Variants in CTIF observed in about 807,000 individuals in gnomAD.
CTIF encodes CBP80/20-dependent translation initiation factor.
A neutral mutation model predicts 66.0 loss-of-function variants in CTIF; 21 were observed. The ratio of observed to expected loss-of-function variants is 0.32; its 90% confidence interval spans 0.23 to 0.46. The LOEUF is 0.46. Among genes scored for constraint, CTIF ranks in the 20% least tolerant of loss-of-function variants. CTIF has a pLI of 1.00. For missense variants in CTIF, 739 were observed against 812.7 expected, an observed-to-expected ratio of 0.91 and a Z score of 1.10; for synonymous variants, 345 against 326.4, an observed-to-expected ratio of 1.06 and a Z score of -0.62.
chr18:48,786,268 G>C (rs1911698090), intron 9 of CTIF, among the ~76,000 whole-genome samples: 1 of 152,140 alleles, frequency 6.6e-6, no homozygotes, highest in Non-Finnish European at 1.5e-5. Context: ...AGTCACGATT[G>C]GTCCCTAGTC....
intron 10 of CTIF, among the ~76,000 whole-genome samples, chr18:48,838,520 A>G (rs946549660): frequency 2.0e-5 from 3 of 152,102 alleles, no homozygotes; most frequent in Non-Finnish European, 4.4e-5. Context: ...AGTCCCCTTT[A>G]TAGTCACACT....
intron 10 of CTIF, among the ~76,000 whole-genome samples, chr18:48,842,883 G>A (rs933373377): frequency 1.3e-5 from 2 of 152,240 alleles, no homozygotes; most frequent in African/African-American, 4.8e-5. Flanking sequence ...GCCTCAGGTG[G>A]GTGGAGGTAG....
chr18:48,609,161 A>AT (rs1386920410), intron 1 of CTIF, among the ~76,000 whole-genome samples: 3 of 152,306 alleles, frequency 2.0e-5, no homozygotes, highest in Non-Finnish European at 4.4e-5. Flanking sequence ...CAACCCAGGG[A>AT]TTGGAATACA....
At chr18:48,663,636 CA>C in intron 3 of CTIF, 115 bp from the exon 4 acceptor site, 2 of 891,656 alleles carry the variant, frequency 2.2e-6, no homozygotes, top group South Asian at 2.8e-5. Context: ...GTGCACCAGC[CA>C]CCATACTCAC....
intron 3 of CTIF, among the ~76,000 whole-genome samples, chr18:48,638,368 T>A (rs1010403972): frequency 3.9e-5 from 6 of 152,064 alleles, no homozygotes; most frequent in African/African-American, 1.4e-4. Flanking sequence ...CAATGAAGAG[T>A]CCTTTTTCCT....
chr18:48,831,941 G>A (rs1254767783), intron 10 of CTIF, among the ~76,000 whole-genome samples: 2 of 152,216 alleles, frequency 1.3e-5, no homozygotes, highest in Non-Finnish European at 1.5e-5. Context: ...TGGCTATTAC[G>A]CTGGACCAGG....
chr18:48,625,770 G>C (rs1359158036), intron 2 of CTIF, among the ~76,000 whole-genome samples: 1 of 152,096 alleles, frequency 6.6e-6, no homozygotes, highest in Non-Finnish European at 1.5e-5. Context: ...TAGGCACTCA[G>C]GTTACTTCTA....
At chr18:48,618,846 G>A (rs1284047153) in intron 1 of CTIF, among the ~76,000 whole-genome samples, 3 of 152,200 alleles carry the variant, frequency 2.0e-5, no homozygotes, top group Non-Finnish European at 2.9e-5. Flanking sequence ...AGGTGACCAG[G>A]CAGTGTCTGT....
At chr18:48,714,436 C>T (rs1005657501) in intron 7 of CTIF, among the ~76,000 whole-genome samples, 1 of 152,178 alleles carries the variant, frequency 6.6e-6, no homozygotes, top group Admixed American at 6.5e-5. Context: ...CTTGGTGGCT[C>T]TCCTTGGAAT....
At chr18:48,842,883 G>T (rs933373377) in intron 10 of CTIF, among the ~76,000 whole-genome samples, 2 of 152,240 alleles carry the variant, frequency 1.3e-5, no homozygotes, top group African/African-American at 4.8e-5. Flanking sequence ...GCCTCAGGTG[G>T]GTGGAGGTAG....
intron 9 of CTIF, among the ~76,000 whole-genome samples, chr18:48,807,580 G>GTTTTTTTTTTTTT (rs36110913): frequency 9.7e-6 from 1 of 102,830 alleles, no homozygotes; most frequent in Non-Finnish European, 2.0e-5. Context: ...TTGTTGTTGT[G>GTTTTTTTTTTTTT]TTTTTTTTTT....
chr18:48,720,256 G>A lies in CTIF; in HGVS notation c.584+8561G>A, dbSNP rs917266355. Reference sequence around the variant, plus strand: ...CTTGTTCGTGTGTGGTGGTAGCTTCGCTAGGGGATGAGATGGGGACGGGGG... The same window carrying A: ...CTTGTTCGTGTGTGGTGGTAGCTTCACTAGGGGATGAGATGGGGACGGGGG... On this transcript the variant is annotated intron_variant, in intron 7 of 11. Coordinates refer to ENST00000256413, the MANE Select transcript of CTIF (RefSeq NM_014772.3). 3.3e-5 allele frequency among the ~76,000 whole-genome samples: 5 copies of A among 152,298 alleles called. No individual in the cohort carries two copies. In the East Asian group the frequency reaches 5.8e-4, roughly 18 times the overall value.
intron 10 of CTIF, among the ~76,000 whole-genome samples, chr18:48,819,640 A>G (rs1041260778): frequency 6.6e-6 from 1 of 152,216 alleles, no homozygotes; most frequent in African/African-American, 2.4e-5. Context: ...CACTTGTTGG[A>G]TGCATTCAAA....
chr18:48,714,672 T>A (rs2092262675), intron 7 of CTIF, among the ~76,000 whole-genome samples: 1 of 152,248 alleles, frequency 6.6e-6, no homozygotes, highest in African/African-American at 2.4e-5. Flanking sequence ...TGTGCCTTAC[T>A]GCTTTTATTT....
rs138070251 is a variant in CTIF at position 48,614,338 on chromosome 18, G to A, written c.-28-5200G>A. On this transcript the variant is annotated intron_variant, in intron 1 of 11. Coordinates refer to ENST00000256413, the MANE Select transcript of CTIF (RefSeq NM_014772.3). Reference sequence around the variant, plus strand: ...CACACTCGTCTTGCCTTAAAAATGTGTTGGAACTTTTCTAGGTGGATACCC... The same window carrying A: ...CACACTCGTCTTGCCTTAAAAATGTATTGGAACTTTTCTAGGTGGATACCC... 3.2e-3 allele frequency among the ~76,000 whole-genome samples: 481 copies of A among 152,288 alleles called. 1 individual carries two copies. Among genetic ancestry groups the A allele is most frequent in the African/African-American group, 0.01 (423 of 41,546 alleles).
intron 3 of CTIF, among the ~76,000 whole-genome samples, chr18:48,651,010 G>T (rs1015795183): frequency 6.6e-6 from 1 of 152,168 alleles, no homozygotes; most frequent in Admixed American, 6.5e-5. Context: ...AACGTGGAAA[G>T]GAACACCCAG....
chr18:48,607,555 C>T (rs143004659), intron 1 of CTIF, among the ~76,000 whole-genome samples: 1 of 152,328 alleles, frequency 6.6e-6, no homozygotes, highest in East Asian at 1.9e-4. Flanking sequence ...AAAAGAGGAA[C>T]TGAATGTCTA....
chr18:48,765,368 AG>A (rs1475715957), intron 9 of CTIF, among the ~76,000 whole-genome samples: 3 of 151,928 alleles, frequency 2.0e-5, no homozygotes, highest in Admixed American at 6.6e-5. Context: ...CCATAGGATC[AG>A]GTTCAGCTAC....
At chr18:48,763,887 C>T (rs150967966) in intron 9 of CTIF, among the ~76,000 whole-genome samples, 1,668 of 152,276 alleles carry the variant, frequency 0.011, 13 homozygotes, top group Non-Finnish European at 0.016. Flanking sequence ...CAAACCCACT[C>T]ACCCCATATA....
Sources: gnomAD v4.1 joint callset for allele counts (sites outside exome capture counted in the v4.1 genomes callset) on GRCh38, gnomAD v4.1.1 for gene constraint, MANE v1.5 for transcripts, NCBI Gene and HGNC (gene_info 2026-07-23, HGNC 2026-07-21) for gene names.